Variants in PRDM11 observed in about 807,000 individuals in gnomAD.
PRDM11 encodes the protein PR domain-containing protein 11.
In PRDM11, 20 loss-of-function variants were observed where a neutral mutation model predicts 97.8. The observed-to-expected ratio is 0.20, with a 90% CI of 0.14 to 0.30. The LOEUF (loss-of-function observed/expected upper bound fraction) is 0.30, where lower values mean the gene tolerates loss of function less well. Ranked by LOEUF, PRDM11 falls within the 10% of genes least tolerant of loss-of-function variation. The pLI, the probability that PRDM11 is intolerant of heterozygous loss-of-function variation, is 1.00. For synonymous variants in PRDM11, 599 were observed against 637.7 expected (o/e 0.94, Z 0.91); for missense variants, 1,139 against 1,555.2 (o/e 0.73, Z 4.50).
intron 1 of PRDM11, among the ~76,000 whole-genome samples, chr11:45,129,935 T>C (rs1011421367): frequency 4.6e-5 from 7 of 152,080 alleles, no homozygotes; most frequent in African/African-American, 1.7e-4. Flanking sequence ...GACAGATAAA[T>C]AGAAGAATGA....
rs577636302 is a variant in PRDM11, at chr11:45,108,259, A to G, written c.96+12358A>G. ...GTAAATAGCTGCTGTCTAATTCCCC[A>G]TGAGTGTGACCCGCTGCCCTGCTGC... On this transcript the variant is annotated intron_variant, in intron 1 of 6. Coordinates refer to the PRDM11 transcript ENST00000530656. Among the ~76,000 whole-genome samples, 8 of 152,150 alleles carry G rather than the reference A, an allele frequency of 5.3e-5. No homozygotes were observed. In the South Asian group the frequency reaches 6.2e-4, roughly 12 times the overall value.
chr11:45,096,140 T>C (rs1432102941), intron 1 of PRDM11, among the ~76,000 whole-genome samples: 1 of 152,234 alleles, frequency 6.6e-6, no homozygotes, highest in Non-Finnish European at 1.5e-5. Flanking sequence ...TGTTACGGGC[T>C]TCTTTCTCTT....
At chr11:45,193,034 A>G (rs1047065368) in intron 4 of PRDM11, among the ~76,000 whole-genome samples, 1 of 152,170 alleles carries the variant, frequency 6.6e-6, no homozygotes, top group Non-Finnish European at 1.5e-5. Flanking sequence ...TTACTTTCCT[A>G]CTATTTGTCT....
At chr11:45,125,285 A>C (rs1852539836) in intron 1 of PRDM11, among the ~76,000 whole-genome samples, 3 of 152,032 alleles carry the variant, frequency 2.0e-5, no homozygotes. Flanking sequence ...CTTTTCAAAA[A>C]ACCAGCTCCT....
intron 5 of PRDM11, among the ~76,000 whole-genome samples, chr11:45,218,629 G>A (rs141620344): frequency 3.9e-4 from 59 of 152,264 alleles, no homozygotes; most frequent in Admixed American, 1.2e-3. Flanking sequence ...ACCCTAAAAC[G>A]TCAACTAATT....
intron 1 of PRDM11, 80 bp from the exon 2 acceptor site, chr11:45,181,681 C>T (rs1214713698): frequency 4.6e-5 from 56 of 1,214,734 alleles, no homozygotes; most frequent in Non-Finnish European, 6.4e-5. Flanking sequence ...GAGACCCCCA[C>T]TTGCCCTCTC....
Position 45,219,812 on chromosome 11 carries a change from T to C in PRDM11, c.742+55T>C. ...CCACCTCTGAGCCCCAGGGGAGGCC[T>C]GGATAGCTTGTTTTGGAGCTTCCTG... On this transcript the variant is annotated intron_variant, in intron 6 of 7. Coordinates refer to ENST00000683152, the MANE Select transcript of PRDM11 (RefSeq NM_001384648.1). The surrounding 1 kb of genome is among the most constrained non-coding windows in gnomAD (Gnocchi z 4.2). 1 of 1,536,198 alleles carries C rather than the reference T, an allele frequency of 6.5e-7. No homozygotes were observed. The highest frequency in any genetic ancestry group is 1.2e-5 in the South Asian group (1 of 83,696).
At chr11:45,142,371 C>T (rs1262263813), upstream of PRDM11, among the ~76,000 whole-genome samples, 1 of 152,154 alleles carries the variant, frequency 6.6e-6, no homozygotes, top group Non-Finnish European at 1.5e-5. Flanking sequence ...TGGCTGTGTC[C>T]CCTTCCCAGG....
In PRDM11 at chr11:45,182,870, C is replaced by T; in HGVS notation, c.233C>T (p.Ser78Phe). The change falls in exon 4 of 8, where the codon TCC becomes TTC. Residue 78 changes from serine to phenylalanine, a missense_variant. Transcript: ENST00000683152. ...CTTTCCATCCCTCCAGTCTGTGAGT[C>T]CTGCCAGGAGTACTTCGTGGATGAA... ...FQQVDFWFCE[S>F]CQEYFVDECP... 5.7e-6 allele frequency: 9 copies of T among 1,589,356 alleles called. No homozygotes were observed. Among genetic ancestry groups the T allele is most frequent in the Non-Finnish European group, 7.7e-6 (9 of 1,166,458 alleles).
intron 1 of PRDM11, among the ~76,000 whole-genome samples, chr11:45,122,215 A>G (rs1852447465): frequency 7.8e-6 from 1 of 128,462 alleles, no homozygotes; most frequent in South Asian, 2.7e-4. Flanking sequence ...ACACACACAC[A>G]CACACACACA....
At chr11:45,143,874 T>C (rs1351306249), upstream of PRDM11, among the ~76,000 whole-genome samples, 1 of 152,218 alleles carries the variant, frequency 6.6e-6, no homozygotes, top group Non-Finnish European at 1.5e-5. Flanking sequence ...TCTCAGGAAA[T>C]GCCAGTGGAG....
chr11:45,142,156 C>T (rs369421127), upstream of PRDM11, among the ~76,000 whole-genome samples: 1 of 152,312 alleles, frequency 6.6e-6, no homozygotes, highest in African/African-American at 2.4e-5. Flanking sequence ...GAAAACAAAT[C>T]AAGTTCCGGG....
At chr11:45,109,207 C>T (rs1408501128) in intron 1 of PRDM11, among the ~76,000 whole-genome samples, 1 of 152,196 alleles carries the variant, frequency 6.6e-6, no homozygotes, top group Non-Finnish European at 1.5e-5. Context: ...CTGCAGTTGG[C>T]CCTGACCCAG....
chr11:45,119,360 G>C (rs1427348936), intron 1 of PRDM11, among the ~76,000 whole-genome samples: 1 of 152,098 alleles, frequency 6.6e-6, no homozygotes, highest in Non-Finnish European at 1.5e-5. Context: ...GGGCGCGGTG[G>C]CTCACGCCTG....
At chr11:45,172,713 A>G (rs1852230391) in intron 1 of PRDM11, among the ~76,000 whole-genome samples, 1 of 152,226 alleles carries the variant, frequency 6.6e-6, no homozygotes, top group Non-Finnish European at 1.5e-5. Flanking sequence ...ATAAGGCATT[A>G]TAAGTAATCT....
intron 1 of PRDM11, among the ~76,000 whole-genome samples, chr11:45,106,554 A>G (rs1345792520): frequency 6.6e-6 from 1 of 152,182 alleles, no homozygotes; most frequent in Non-Finnish European, 1.5e-5. Flanking sequence ...AAAGGGCATC[A>G]TGGAGACAGT....
chr11:45,141,676 C>G (rs1030686026), upstream of PRDM11, among the ~76,000 whole-genome samples: 1 of 152,182 alleles, frequency 6.6e-6, no homozygotes, highest in African/African-American at 2.4e-5. Context: ...AAAGCCTGCA[C>G]CACCAGCCCT....
intron 1 of PRDM11, among the ~76,000 whole-genome samples, chr11:45,173,409 G>A (rs1263486564): frequency 1.3e-5 from 2 of 152,022 alleles, no homozygotes; most frequent in Non-Finnish European, 2.9e-5. Flanking sequence ...ATCACCTGAG[G>A]TCAGGAGTTC....
At chr11:45,129,601 T>C (rs1476934287) in intron 1 of PRDM11, among the ~76,000 whole-genome samples, 1 of 152,112 alleles carries the variant, frequency 6.6e-6, no homozygotes, top group Non-Finnish European at 1.5e-5. Flanking sequence ...ATCCACCCTA[T>C]AAAACAGTGT....
Sources: gnomAD v4.1 joint callset for allele counts (sites outside exome capture counted in the v4.1 genomes callset) on GRCh38, gnomAD v4.1.1 for gene constraint, Gnocchi (gnomAD v3.1) non-coding constraint, MANE v1.5 for transcripts, NCBI Gene and HGNC (gene_info 2026-07-23, HGNC 2026-07-21) for gene names.